The following EPHA6 variants were observed in gnomAD, a reference collection of about 807,000 sequenced individuals.
EPHA6 encodes EPH receptor A6, also known as ephrin type-A receptor 6.
EPHA6 carries 50 observed loss-of-function variants against 112.0 expected under a neutral mutation model. The observed-to-expected ratio is 0.45, with a 90% CI of 0.36 to 0.56. The LOEUF is 0.56. EPHA6 is among the 20% of genes least tolerant of loss of function. The probability of loss-of-function intolerance (pLI) is 0.00; values close to 1 mark genes in which losing one functional copy is unlikely to be tolerated. For missense variants in EPHA6, 1,280 were observed against 1,417.4 expected (o/e 0.90, Z 1.56); for synonymous variants, 529 against 490.7 (o/e 1.08, Z -1.03).
At chr3:97,216,698 A>T (rs2078044539) in intron 3 of EPHA6, among the ~76,000 whole-genome samples, 1 of 152,166 alleles carries the variant, frequency 6.6e-6, no homozygotes, top group African/African-American at 2.4e-5. Flanking sequence ...TCCTCCAGTG[A>T]TATTTTAGAG....
At chr3:97,154,765 T>C (rs1383117758) in intron 3 of EPHA6, among the ~76,000 whole-genome samples, 1 of 152,190 alleles carries the variant, frequency 6.6e-6, no homozygotes, top group Non-Finnish European at 1.5e-5. Context: ...AAAGGCTGGT[T>C]ACACCTTCAA....
Position 97,043,907 on chromosome 3 carries a change from A to G in EPHA6, c.1114+55914A>G, listed in dbSNP as rs147178152. Reference sequence around the variant, plus strand: ...CCCTGCCCAAAAGCCCTGATGGCTGAAGGAATTTGTCCACACTGGTTGGAA... The same window carrying G: ...CCCTGCCCAAAAGCCCTGATGGCTGGAGGAATTTGTCCACACTGGTTGGAA... On this transcript the variant is annotated intron_variant, in intron 3 of 17. Transcript: ENST00000389672. 6.8e-4 allele frequency among the ~76,000 whole-genome samples: 103 copies of G among 152,248 alleles called. No homozygotes were observed. The East Asian group carries it at 0.016, about 23-fold the overall frequency.
rs151011953 is a variant in EPHA6 at position 97,508,313 on chromosome 3, C to T, written c.2201-24045C>T. On this transcript the variant is annotated intron_variant, in intron 10 of 17. Coordinates refer to ENST00000389672, the MANE Select transcript of EPHA6 (RefSeq NM_001080448.3). ...CTGTGGGCATTTAGTGCTATAAATT[C>T]CCCTCTAAACACTGCTTTAGCTGTG... is the stretch of plus-strand genomic sequence containing the variant. Among the ~76,000 whole-genome samples the T allele has an allele frequency of 6.5e-3, 994 of 152,126 alleles. 11 individuals are homozygous for T. The highest frequency in any genetic ancestry group is 0.022 in the African/African-American group (914 of 41,492).
At chr3:97,390,234 G>A (rs1308911784) in intron 5 of EPHA6, among the ~76,000 whole-genome samples, 1 of 152,084 alleles carries the variant, frequency 6.6e-6, no homozygotes, top group East Asian at 1.9e-4. Context: ...TGAATTTGCT[G>A]TTGCATTGCA....
At chr3:96,870,361 A>G (rs2036565049) in intron 2 of EPHA6, among the ~76,000 whole-genome samples, 1 of 152,100 alleles carries the variant, frequency 6.6e-6, no homozygotes, top group Non-Finnish European at 1.5e-5. Flanking sequence ...GCGGGAGAAG[A>G]CAGATGTCGC....
chr3:97,755,291 C>G lies in EPHA6; in HGVS notation c.*6590C>G, dbSNP rs569947669. 6.6e-6 allele frequency among the ~76,000 whole-genome samples: 1 copy of G among 152,294 alleles called. No homozygotes were observed. Among genetic ancestry groups the G allele is most frequent in the South Asian group, 2.1e-4 (1 of 4,830 alleles). Reference sequence around the variant, plus strand: ...AAAAATAAGGTATAAATTAACAACACAATCTTCTCAGGAGTTGTAAACTAG... The same window carrying G: ...AAAAATAAGGTATAAATTAACAACAGAATCTTCTCAGGAGTTGTAAACTAG... On this transcript the variant is annotated 3_prime_UTR_variant, in exon 18 of 18. Coordinates refer to ENST00000389672, the MANE Select transcript of EPHA6 (RefSeq NM_001080448.3).
chr3:97,004,934 G>A (rs1455073940), intron 3 of EPHA6, among the ~76,000 whole-genome samples: 1 of 152,036 alleles, frequency 6.6e-6, no homozygotes, highest in Non-Finnish European at 1.5e-5. Flanking sequence ...GATGTGTGGT[G>A]TTATTTCTGA....
At chr3:96,898,804 C>T (rs576747724) in intron 2 of EPHA6, among the ~76,000 whole-genome samples, 145 of 151,804 alleles carry the variant, frequency 9.6e-4, no homozygotes, top group African/African-American at 3.2e-3. Flanking sequence ...CCGAGACGGG[C>T]GGATCACGAG....
chr3:97,700,730 T>C (rs998875962), intron 14 of EPHA6, among the ~76,000 whole-genome samples: 1 of 152,202 alleles, frequency 6.6e-6, no homozygotes, highest in Non-Finnish European at 1.5e-5. Context: ...AATATATGCA[T>C]ATATGTATAT....
intron 5 of EPHA6, among the ~76,000 whole-genome samples, chr3:97,366,065 A>G (rs111863602): frequency 9.8e-5 from 15 of 152,300 alleles, no homozygotes; most frequent in African/African-American, 3.6e-4. Context: ...TAAGCAGACT[A>G]TCTCTATATC....
intron 3 of EPHA6, among the ~76,000 whole-genome samples, chr3:97,060,793 A>G (rs796361750): frequency 4.0e-5 from 6 of 151,580 alleles, no homozygotes; most frequent in South Asian, 2.1e-4. Context: ...GCGTAGTGGC[A>G]GGCGCCTGTA....
At chr3:96,941,674 C>T (rs960654290) in intron 2 of EPHA6, among the ~76,000 whole-genome samples, 4 of 152,218 alleles carry the variant, frequency 2.6e-5, no homozygotes, top group Non-Finnish European at 5.9e-5. Context: ...GAGAGGTGCT[C>T]TGCTTTTTAG....
At chr3:97,347,884 A>G (rs1042860124) in intron 5 of EPHA6, among the ~76,000 whole-genome samples, 1 of 152,128 alleles carries the variant, frequency 6.6e-6, no homozygotes, top group Non-Finnish European at 1.5e-5. Context: ...ATAGCCATAT[A>G]TCAACACATC....
At chr3:97,056,736 A>G (rs2045865814) in intron 3 of EPHA6, among the ~76,000 whole-genome samples, 1 of 152,196 alleles carries the variant, frequency 6.6e-6, no homozygotes, top group African/African-American at 2.4e-5. Flanking sequence ...CTCTGGAGTT[A>G]AACAGACCTG....
intron 5 of EPHA6, among the ~76,000 whole-genome samples, chr3:97,340,505 A>G (rs2083254727): frequency 6.6e-6 from 1 of 152,190 alleles, no homozygotes; most frequent in African/African-American, 2.4e-5. Context: ...CAGAAGCGTC[A>G]ATCGTCACAT....
chr3:97,546,461 A>T (rs1424283464), intron 11 of EPHA6, among the ~76,000 whole-genome samples: 1 of 152,084 alleles, frequency 6.6e-6, no homozygotes, highest in Non-Finnish European at 1.5e-5. Flanking sequence ...CTTCCCTTTG[A>T]GGGTAACCCG....
At chr3:97,181,252 G>A (rs547737502) in intron 3 of EPHA6, among the ~76,000 whole-genome samples, 233 of 152,218 alleles carry the variant, frequency 1.5e-3, no homozygotes, top group African/African-American at 5.3e-3. Context: ...GTGGAGAAGG[G>A]TGGCTTTGGC....
At chr3:96,936,257 A>C (rs1004866188) in intron 2 of EPHA6, among the ~76,000 whole-genome samples, 2 of 152,140 alleles carry the variant, frequency 1.3e-5, no homozygotes, top group African/African-American at 2.4e-5. Flanking sequence ...GTTTCCACTT[A>C]ACATTTATTT....
At chr3:96,976,129 T>C (rs1299186016) in intron 2 of EPHA6, among the ~76,000 whole-genome samples, 1 of 152,202 alleles carries the variant, frequency 6.6e-6, no homozygotes, top group Admixed American at 6.6e-5. Context: ...CACAGTTGGA[T>C]AATAAGTTAT....
Sources: gnomAD v4.1 joint callset for allele counts (sites outside exome capture counted in the v4.1 genomes callset) on GRCh38, gnomAD v4.1.1 for gene constraint, MANE v1.5 for transcripts, NCBI Gene and HGNC (gene_info 2026-07-23, HGNC 2026-07-21) for gene names.